The following AEBP2 variants were observed in gnomAD, a reference collection of about 807,000 sequenced individuals.
AEBP2 encodes the protein zinc finger protein AEBP2.
AEBP2 carries 10 observed loss-of-function variants against 50.8 expected under a neutral mutation model. The observed-to-expected ratio is 0.20, with a 90% CI of 0.12 to 0.33. The LOEUF is 0.33. Among genes scored for constraint, AEBP2 ranks in the 10% least tolerant of loss-of-function variants. The probability of loss-of-function intolerance (pLI) is 1.00; values close to 1 mark genes in which losing one functional copy is unlikely to be tolerated. For missense variants in AEBP2, 570 were observed against 688.0 expected (o/e 0.83, Z 1.92); for synonymous variants, 296 against 261.3 (o/e 1.13, Z -1.28).
intron 3 of AEBP2, among the ~76,000 whole-genome samples, chr12:19,475,665 A>G (rs1948637567): frequency 6.6e-6 from 1 of 152,092 alleles, no homozygotes; most frequent in Non-Finnish European, 1.5e-5. Flanking sequence ...TCTTTAAGAA[A>G]TCTCTGTACG....
At chr12:19,509,264 C>G in intron 5 of AEBP2, 1 of 282,708 alleles carries the variant, frequency 3.5e-6, no homozygotes, top group East Asian at 7.1e-5. Context: ...AAAAATGCAA[C>G]TTTTTTAAGT....
chr12:19,518,258 A>G lies in AEBP2; in HGVS notation c.*141A>G, dbSNP rs1222705274. 1 of 1,333,996 alleles carries G rather than the reference A, an allele frequency of 7.5e-7. No homozygotes were observed. Among genetic ancestry groups the G allele is most frequent in the African/African-American group, 1.5e-5 (1 of 65,272 alleles). 82.6% of individuals were successfully genotyped at this position (1,333,996 alleles called of 1,614,324 possible). A position where few individuals can be genotyped will look rare whatever the true frequency, so the allele number is the denominator to read the frequency against. ...TTTTTTAAATCCAGTATTTAGGATAATATTTATGCTTAGTGTAAACATTCT... is the reference window on the plus strand; with the variant it reads ...TTTTTTAAATCCAGTATTTAGGATAGTATTTATGCTTAGTGTAAACATTCT... On this transcript the variant is annotated 3_prime_UTR_variant, in exon 8 of 8. Transcript: ENST00000266508.
At chr12:19,424,104 A>G (rs1013989427) in intron 1 of AEBP2, among the ~76,000 whole-genome samples, 25 of 152,208 alleles carry the variant, frequency 1.6e-4, no homozygotes, top group African/African-American at 5.8e-4. Flanking sequence ...TGGGCCAAGT[A>G]GGTAGACTTG....
At chr12:19,411,996 T>C (rs1000832326) in intron 1 of AEBP2, among the ~76,000 whole-genome samples, 2 of 152,222 alleles carry the variant, frequency 1.3e-5, no homozygotes, top group African/African-American at 4.8e-5. Context: ...GTGAAAGGCA[T>C]GAATCACCAG....
At chr12:19,488,308 T>G (rs1242560680) in intron 3 of AEBP2, among the ~76,000 whole-genome samples, 1 of 148,754 alleles carries the variant, frequency 6.7e-6, no homozygotes, top group East Asian at 2.0e-4. Context: ...TTTTTTTTTT[T>G]GTAGAGACAG....
chr12:19,518,893 C>G lies in AEBP2; in HGVS notation c.*776C>G. 1 of 409,242 alleles carries G rather than the reference C, an allele frequency of 2.4e-6. No individual in the cohort carries two copies. The highest frequency in any genetic ancestry group is 4.2e-6 in the Non-Finnish European group (1 of 240,674). 25.4% of individuals were successfully genotyped at this position (409,242 alleles called of 1,614,324 possible). Reference sequence around the variant, plus strand: ...AATCTGTTAACGGTTTTTGAAAAACCTTTCAAATTATTTGAATAATCTTCA... The same window carrying G: ...AATCTGTTAACGGTTTTTGAAAAACGTTTCAAATTATTTGAATAATCTTCA... On this transcript the variant is annotated 3_prime_UTR_variant, in exon 8 of 8. Coordinates refer to ENST00000266508, the MANE Select transcript of AEBP2 (RefSeq NM_153207.5).
chr12:19,485,948 CTTTTT>C (rs60355570), intron 3 of AEBP2, among the ~76,000 whole-genome samples: 2 of 91,220 alleles, frequency 2.2e-5, no homozygotes, highest in African/African-American at 4.0e-5. Context: ...TGAGCCTCTG[CTTTTT>C]TTTTTTTTTT....
intron 1 of AEBP2, chr12:19,419,190 G>A (rs1304549344): frequency 6.5e-6 from 1 of 153,362 alleles, no homozygotes; most frequent in East Asian, 1.9e-4. Flanking sequence ...CACTCAGGGT[G>A]CAGGCACTCG....
chr12:19,498,251 C>CTT (rs1259203909), intron 4 of AEBP2, among the ~76,000 whole-genome samples: 1 of 152,150 alleles, frequency 6.6e-6, no homozygotes, highest in Admixed American at 6.5e-5. Flanking sequence ...CGAGTAGCCA[C>CTT]TTATCTAACA....
intron 4 of AEBP2, 65 bp from the exon 5 acceptor site, chr12:19,500,032 C>G (rs971404623): frequency 1.7e-5 from 24 of 1,385,912 alleles, no homozygotes; most frequent in Non-Finnish European, 2.0e-5. Flanking sequence ...TAATTGTTTC[C>G]ATCTTTATTA....
At chr12:19,438,332 T>C (rs1947882484), upstream of AEBP2, among the ~76,000 whole-genome samples, 1 of 152,248 alleles carries the variant, frequency 6.6e-6, no homozygotes, top group Non-Finnish European at 1.5e-5. Context: ...GCGAAAGGCA[T>C]TCAAAGAATT....
intron 5 of AEBP2, among the ~76,000 whole-genome samples, chr12:19,510,843 A>G (rs1362197886): frequency 2.3e-5 from 3 of 131,566 alleles, no homozygotes; most frequent in African/African-American, 8.7e-5. Context: ...ATTCTGCAGT[A>G]CATCGCTTTT....
chr12:19,457,725 CAGAG>C (rs766966475), intron 1 of AEBP2: 42 of 890,590 alleles, frequency 4.7e-5, no homozygotes, highest in Middle Eastern at 4.0e-4. Context: ...AAAAGCTAGT[CAGAG>C]AGATCTTTTC....
In AEBP2 at chr12:19,413,035, C is replaced by T. The variant is rs1033314487; in HGVS notation, c.-17+8819C>T. ...GGGTGTGGGGTCCCCTGGCCTGGAG[C>T]GGGCTCGTCCTGGCGGGCCTGGATC... On this transcript the variant is annotated intron_variant, in intron 1 of 3. Transcript: ENST00000538425. The T allele has an allele frequency of 1.0e-4, 47 of 449,042 alleles. 1 individual carries two copies. Among genetic ancestry groups the T allele is most frequent in the South Asian group, 7.5e-4 (36 of 48,114 alleles). The allele number at this position is 449,042 out of a possible 1,614,324, so 27.8% of individuals were successfully genotyped here.
upstream of AEBP2, among the ~76,000 whole-genome samples, chr12:19,437,251 CTG>C (rs1412488027): frequency 1.3e-5 from 2 of 152,172 alleles, no homozygotes; most frequent in Non-Finnish European, 2.9e-5. Flanking sequence ...GATGTCCACT[CTG>C]TTGAATCTAG....
upstream of AEBP2, among the ~76,000 whole-genome samples, chr12:19,434,913 T>C (rs960242324): frequency 6.6e-6 from 1 of 152,172 alleles, no homozygotes; most frequent in Non-Finnish European, 1.5e-5. Context: ...CAAGTATAAA[T>C]ACCACAGCTA....
chr12:19,449,387 T>C lies in AEBP2; in HGVS notation c.671+9017T>C, dbSNP rs533078114. The stretch of plus-strand genomic sequence containing the variant: ...AATGTTTCTAGTGTTTGTGAAGATA[T>C]CAATTGCTGGCTGATATTTTAAGCT... On this transcript the variant is annotated intron_variant, in intron 1 of 7. Coordinates refer to ENST00000266508, the MANE Select transcript of AEBP2 (RefSeq NM_153207.5). Among the ~76,000 whole-genome samples, 13 of 152,328 alleles carry C rather than the reference T, an allele frequency of 8.5e-5. No homozygotes were observed. In the East Asian group the frequency reaches 2.1e-3, roughly 25 times the overall value.
chr12:19,406,681 C>CAA (rs777458801), intron 1 of AEBP2, among the ~76,000 whole-genome samples: 2 of 134,646 alleles, frequency 1.5e-5, no homozygotes, highest in African/African-American at 2.7e-5. Flanking sequence ...AACTCTGTCT[C>CAA]AAAAAAAAAA....
rs180988044 is a variant in AEBP2 at position 19,466,904 on chromosome 12, T to C, written c.879+4187T>C. On this transcript the variant is annotated intron_variant, in intron 2 of 7. Coordinates refer to ENST00000266508, the MANE Select transcript of AEBP2 (RefSeq NM_153207.5). The stretch of plus-strand genomic sequence containing the variant: ...ATTTCTGTTCTTTTTCTCATTCCAC[T>C]ATAATCTTTGCCCTGGGGAGAAAAG... 7.6e-5 allele frequency: 54 copies of C among 710,710 alleles called. No homozygotes were observed. The African/African-American group carries it at 9.6e-4, about 13-fold the overall frequency. The allele number at this position is 710,710 out of a possible 1,614,324, so 44.0% of individuals were successfully genotyped here. A position where few individuals can be genotyped will look rare whatever the true frequency, so the allele number is the denominator to read the frequency against.
Sources: allele counts gnomAD v4.1 joint callset (sites outside exome capture counted in the v4.1 genomes callset), GRCh38; gene constraint gnomAD v4.1.1; transcripts MANE v1.5; gene names NCBI Gene and HGNC (gene_info 2026-07-23, HGNC 2026-07-21).